CRYBG1: variants seen among roughly 807,000 people sequenced by gnomAD.
The protein encoded by CRYBG1 is crystallin beta-gamma domain containing 1, also known as beta/gamma crystallin domain-containing protein 1.
Under a neutral mutation model 189.2 loss-of-function variants are expected in CRYBG1, and 139 were observed. The observed-to-expected ratio is 0.73, with a 90% CI of 0.64 to 0.85. The LOEUF is 0.85. Ranked by LOEUF, CRYBG1 falls within the 40% of genes least tolerant of loss-of-function variation. The pLI is 0.00. For synonymous variants in CRYBG1, 1,023 were observed against 1,017.1 expected, an observed-to-expected ratio of 1.01 and a Z score of -0.11; for missense variants, 2,611 against 2,675.8, an observed-to-expected ratio of 0.98 and a Z score of 0.53.
intron 2 of CRYBG1, among the ~76,000 whole-genome samples, chr6:106,472,845 A>G (rs1772262032): frequency 6.6e-6 from 1 of 151,620 alleles, no homozygotes; most frequent in Non-Finnish European, 1.5e-5. Flanking sequence ...TGGAGGCTAC[A>G]GTGAGCCAAG....
At chr6:106,518,767 G>T (rs1404195303) in intron 3 of CRYBG1, among the ~76,000 whole-genome samples, 1 of 152,074 alleles carries the variant, frequency 6.6e-6, no homozygotes, top group East Asian at 1.9e-4. Flanking sequence ...AGACCAGCCT[G>T]GGTGACATAG....
intron 1 of CRYBG1, among the ~76,000 whole-genome samples, chr6:106,439,030 TATCA>T (rs1771521102): frequency 7.0e-6 from 1 of 142,090 alleles, no homozygotes; most frequent in South Asian, 2.3e-4. Flanking sequence ...TGAGACCTGG[TATCA>T]ATTTACTTAA....
chr6:106,512,695 C>A lies in CRYBG1; in HGVS notation c.1578C>A (p.Pro526=). The part of the protein sequence containing the change: ...KGRSRALEAV[P]APPASGPRAP... ...GGAGCCGTGCCCTCGAGGCCGTGCC[C>A]GCCCCGCCCGCCAGCGGCCCCCGGG... Residue 526 remains proline (P), a synonymous_variant, in exon 3 of 22, where the codon CCC becomes CCA. Transcript: ENST00000633556. 6.5e-7 allele frequency: 1 copy of A among 1,543,258 alleles called. No individual in the cohort carries two copies. The highest frequency in any genetic ancestry group is 8.7e-7 in the Non-Finnish European group (1 of 1,144,364).
intron 1 of CRYBG1, among the ~76,000 whole-genome samples, chr6:106,407,227 G>A (rs1234999311): frequency 6.6e-6 from 1 of 151,998 alleles, no homozygotes; most frequent in Non-Finnish European, 1.5e-5. Flanking sequence ...AAAAGCAGGG[G>A]TTGCAATCCT....
rs533507179 is a variant in CRYBG1, at chr6:106,408,140, G to C, written c.174-43554G>C. 9.9e-5 allele frequency among the ~76,000 whole-genome samples: 15 copies of C among 152,190 alleles called. No individual in the cohort carries two copies. The East Asian group carries it at 2.1e-3, about 22-fold the overall frequency. ...ATAGACTGCTAGCCAGACTAATAAA[G>C]AAGATAAAAGAGAAGAATCAAATAG... On this transcript the variant is annotated intron_variant, in intron 1 of 21. Transcript: ENST00000633556.
chr6:106,396,097 C>A (rs1282340877), intron 1 of CRYBG1, among the ~76,000 whole-genome samples: 1 of 152,170 alleles, frequency 6.6e-6, no homozygotes, highest in African/African-American at 2.4e-5. Flanking sequence ...GAGCTTATTT[C>A]TGGATCTGCT....
At chr6:106,514,205 A>C (rs747415422) in intron 3 of CRYBG1, among the ~76,000 whole-genome samples, 1 of 152,172 alleles carries the variant, frequency 6.6e-6, no homozygotes, top group Non-Finnish European at 1.5e-5. Context: ...TATGAAACTG[A>C]TAAGACCCTC....
At chr6:106,529,951 G>C (rs1182804276) in intron 7 of CRYBG1, among the ~76,000 whole-genome samples, 1 of 152,216 alleles carries the variant, frequency 6.6e-6, no homozygotes, top group Non-Finnish European at 1.5e-5. Context: ...TTGCTTGAAT[G>C]CAACACTGAG....
chr6:106,500,923 C>T (rs769841331), intron 2 of CRYBG1, among the ~76,000 whole-genome samples: 13 of 152,096 alleles, frequency 8.5e-5, no homozygotes, highest in Non-Finnish European at 1.6e-4. Context: ...TACTCAGGTT[C>T]GGTGATAGGT....
intron 1 of CRYBG1, among the ~76,000 whole-genome samples, chr6:106,379,797 C>A (rs948170413): frequency 6.6e-6 from 1 of 152,034 alleles, no homozygotes; most frequent in African/African-American, 2.4e-5. Flanking sequence ...GAGGCCTAGT[C>A]TCCAACTCCT....
intron 2 of CRYBG1, among the ~76,000 whole-genome samples, chr6:106,489,049 T>C (rs1336905765): frequency 6.6e-6 from 1 of 152,204 alleles, no homozygotes; most frequent in Non-Finnish European, 1.5e-5. Context: ...CAATGACTAC[T>C]AGAGTCTGTG....
chr6:106,433,387 G>T (rs143922244), intron 1 of CRYBG1, among the ~76,000 whole-genome samples: 2 of 152,214 alleles, frequency 1.3e-5, no homozygotes, highest in Non-Finnish European at 2.9e-5. Flanking sequence ...TTTGAGCTCT[G>T]GTTTCCCTAT....
At chr6:106,519,104 C>T in intron 3 of CRYBG1, 27 bp from the exon 4 acceptor site, 7 of 1,577,564 alleles carry the variant, frequency 4.4e-6, no homozygotes, top group Admixed American at 1.9e-5. Context: ...AGGTCAATAA[C>T]TTTATCTTCC....
intron 2 of CRYBG1, among the ~76,000 whole-genome samples, chr6:106,489,982 G>T (rs900722528): frequency 3.9e-5 from 6 of 152,142 alleles, no homozygotes; most frequent in African/African-American, 2.4e-5. Flanking sequence ...TCTAAAATGT[G>T]CATAGGTGAA....
intron 1 of CRYBG1, among the ~76,000 whole-genome samples, chr6:106,415,875 C>T (rs1271267102): frequency 2.6e-5 from 4 of 152,316 alleles, no homozygotes; most frequent in South Asian, 4.1e-4. Flanking sequence ...ATGTGGGCAA[C>T]GATGTGCTTC....
At chr6:106,482,592 C>T (rs11152995) in intron 2 of CRYBG1, among the ~76,000 whole-genome samples, 1 of 151,576 alleles carries the variant, frequency 6.6e-6, no homozygotes, top group African/African-American at 2.4e-5. Flanking sequence ...TGGCTAACAC[C>T]GTGAAACCCC....
At chr6:106,413,677 CA>C (rs557608428) in intron 1 of CRYBG1, among the ~76,000 whole-genome samples, 64 of 140,968 alleles carry the variant, frequency 4.5e-4, no homozygotes, top group Non-Finnish European at 4.2e-4. Context: ...GATTTTGTCT[CA>C]AAAAAAAAAA....
Position 106,560,845 on chromosome 6 carries a change from C to A in CRYBG1, c.5898C>A (p.Phe1966Leu). Residue 1966 changes from phenylalanine (F) to leucine (L), a missense_variant, in exon 19 of 22, where the codon TTC becomes TTA. Physicochemically the swap from Phe to Leu is conservative, Grantham distance 22. Around this residue, in one of 3 missense-constraint regions of CRYBG1, gnomAD observed 1,622 missense variants for 1,735.0 expected, o/e 0.93. Coordinates refer to ENST00000633556, the MANE Select transcript of CRYBG1 (RefSeq NM_001371242.2). ...YEYGSYRGRQ[F>L]LLSPAEVPNW... ...ATGGCAGTTACAGAGGGCGACAGTT[C>A]CTATTGTCACCTGCAGAAGTACCTA... is the stretch of plus-strand genomic sequence containing the variant. 3 of 1,613,348 alleles carry A rather than the reference C, an allele frequency of 1.9e-6. No homozygotes were observed. The highest frequency in any genetic ancestry group is 2.5e-6 in the Non-Finnish European group (3 of 1,179,668).
chr6:106,392,324 C>T (rs1219881412), intron 1 of CRYBG1, among the ~76,000 whole-genome samples: 2 of 152,120 alleles, frequency 1.3e-5, no homozygotes, highest in Non-Finnish European at 2.9e-5. Flanking sequence ...AAAAGGCAAC[C>T]GAATGAAAAT....
Sources: allele counts gnomAD v4.1 joint callset (sites outside exome capture counted in the v4.1 genomes callset), GRCh38; gene constraint gnomAD v4.1.1; regional missense constraint gnomAD v4.1.1; transcripts MANE v1.5; gene names NCBI Gene and HGNC (gene_info 2026-07-23, HGNC 2026-07-21).